Variants in FBN1 observed in about 807,000 individuals in gnomAD.
FBN1 encodes fibrillin 1.
FBN1 carries 29 observed loss-of-function variants against 365.1 expected under a neutral mutation model. The ratio of observed to expected loss-of-function variants is 0.08; its 90% CI spans 0.06 to 0.11. The LOEUF (loss-of-function observed/expected upper bound fraction) is 0.11, where lower values mean the gene tolerates loss of function less well. FBN1 is among the 10% of genes least tolerant of loss of function. The pLI is 1.00. For missense variants in FBN1, 2,476 were observed against 3,703.2 expected (o/e 0.67, Z 8.60); for synonymous variants, 1,210 against 1,270.5 (o/e 0.95, Z 1.01).
intron 20 of FBN1, among the ~76,000 whole-genome samples, chr15:48,495,854 T>C (rs369229191): frequency 6.6e-6 from 1 of 152,206 alleles, no homozygotes; most frequent in Non-Finnish European, 1.5e-5. Flanking sequence ...TCTGAATGAA[T>C]AGCTCAAATA....
intron 2 of FBN1, among the ~76,000 whole-genome samples, chr15:48,639,368 A>ATAGATGTTACC (rs1327189232): frequency 5.3e-5 from 8 of 152,170 alleles, no homozygotes; most frequent in Admixed American, 6.5e-5. Flanking sequence ...TTAGTAACAT[A>ATAGATGTTACC]TAGATGTTAC....
At chr15:48,545,554 G>C (rs910868123) in intron 6 of FBN1, among the ~76,000 whole-genome samples, 2 of 152,134 alleles carry the variant, frequency 1.3e-5, no homozygotes, top group African/African-American at 4.8e-5. Flanking sequence ...ATGGTTGCCA[G>C]GGATTTAGGG....
intron 27 of FBN1, 130 bp downstream of exon 27, chr15:48,487,983 G>T: frequency 8.1e-7 from 1 of 1,227,838 alleles, no homozygotes; most frequent in Non-Finnish European, 1.2e-6. Flanking sequence ...GTCTCCCTCT[G>T]TTGCAGACTG....
intron 44 of FBN1, among the ~76,000 whole-genome samples, chr15:48,454,265 G>T (rs1308447166): frequency 6.6e-6 from 1 of 152,170 alleles, no homozygotes; most frequent in Non-Finnish European, 1.5e-5. Context: ...GTACAGGGCT[G>T]TAAAGACACC....
At position 48,465,924 on chromosome 15, in the gene FBN1, G is replaced by C. The variant is rs111413919; in HGVS notation, c.4748-66C>G. ...AAGTTTTTAGAAATAGTATCCTCAAGAGAAATACTCACATATCCAACTGAA... is the reference window on the plus strand; with the variant it reads ...AAGTTTTTAGAAATAGTATCCTCAACAGAAATACTCACATATCCAACTGAA... On this transcript the variant is annotated intron_variant, in intron 38 of 65. Transcript: ENST00000316623. 36 of 1,063,960 alleles carry C rather than the reference G, an allele frequency of 3.4e-5. No individual in the cohort carries two copies. The African/African-American group carries it at 4.4e-4, about 13-fold the overall frequency. The allele number at this position is 1,063,960 out of a possible 1,614,324, so 65.9% of individuals were successfully genotyped here.
intron 63 of FBN1, 80 bp from the exon 64 acceptor site, chr15:48,415,847 C>T (rs2042900237): frequency 8.2e-7 from 1 of 1,226,662 alleles, no homozygotes. Flanking sequence ...CCACTTGCTG[C>T]CGGCCAGCTG....
intron 9 of FBN1, among the ~76,000 whole-genome samples, chr15:48,525,090 AT>A (rs35424714): frequency 0.2 from 28,411 of 143,662 alleles, 4,248 homozygotes; most frequent in African/African-American, 0.44. Flanking sequence ...TGTCAAATCT[AT>A]TTTTTTTTTT....
At chr15:48,425,290 C>G (rs1298434791) in intron 60 of FBN1, 79 bp downstream of exon 60, 104 of 1,597,680 alleles carry the variant, frequency 6.5e-5, no homozygotes, top group Non-Finnish European at 8.0e-5. Context: ...TTTCGGCTTG[C>G]CTGTGGAGTT....
rs1395665093 is a variant in FBN1 at position 48,445,155 on chromosome 15, T to C, written c.5917+221A>G. Among the ~76,000 whole-genome samples, 8 of 108,166 alleles carry C rather than the reference T, an allele frequency of 7.4e-5. No individual in the cohort carries two copies. The East Asian group carries it at 7.6e-4, about 10-fold the overall frequency. The allele number at this position is 108,166 out of a possible 152,430, so 71.0% of individuals were successfully genotyped here. ...ATATATACACACACACATATATATA[T>C]ACATATATATATACACACATATATA... is the stretch of plus-strand genomic sequence containing the variant. On this transcript the variant is annotated intron_variant, in intron 48 of 65. Transcript: ENST00000316623.
At chr15:48,585,859 A>AT (rs1337459636) in intron 6 of FBN1, among the ~76,000 whole-genome samples, 1 of 152,228 alleles carries the variant, frequency 6.6e-6, no homozygotes, top group Non-Finnish European at 1.5e-5. Context: ...TAATTATTTC[A>AT]TATTTTAAAA....
At chr15:48,492,653 T>A in intron 23 of FBN1, 67 bp from the exon 24 acceptor site, 1 of 1,235,888 alleles carries the variant, frequency 8.1e-7, no homozygotes. Flanking sequence ...ATTCTACTCA[T>A]AGAGTCATAA....
At chr15:48,490,276 C>A (rs1785038473) in intron 24 of FBN1, among the ~76,000 whole-genome samples, 198 bp from the exon 25 acceptor site, 1 of 152,182 alleles carries the variant, frequency 6.6e-6, no homozygotes, top group South Asian at 2.1e-4. Context: ...TCTTTGTCAG[C>A]CCATGTTTGC....
At chr15:48,569,147 C>T (rs1426687070) in intron 6 of FBN1, among the ~76,000 whole-genome samples, 2 of 151,872 alleles carry the variant, frequency 1.3e-5, no homozygotes, top group African/African-American at 2.4e-5. Flanking sequence ...AGAAGATAAC[C>T]CAATTTTAAA....
chr15:48,595,500 A>G (rs948489065), intron 6 of FBN1, among the ~76,000 whole-genome samples: 9 of 152,232 alleles, frequency 5.9e-5, no homozygotes, highest in African/African-American at 2.2e-4. Context: ...AAGTTCAGGG[A>G]AAAAAACTTA....
At chr15:48,556,399 G>GA (rs1319011491) in intron 6 of FBN1, among the ~76,000 whole-genome samples, 26 of 152,342 alleles carry the variant, frequency 1.7e-4, no homozygotes, top group African/African-American at 6.3e-4. Context: ...GCATTCATAA[G>GA]AAGAGGCTAA....
At chr15:48,561,454 C>T (rs1256242845) in intron 6 of FBN1, among the ~76,000 whole-genome samples, 1 of 152,122 alleles carries the variant, frequency 6.6e-6, no homozygotes, top group Non-Finnish European at 1.5e-5. Flanking sequence ...AAAAGTCTTC[C>T]CATAACTTCC....
chr15:48,523,714 G>GGGT (rs1555400791), intron 9 of FBN1, among the ~76,000 whole-genome samples: 1 of 116,578 alleles, frequency 8.6e-6, no homozygotes, highest in African/African-American at 3.0e-5. Flanking sequence ...GGTGGCTGGG[G>GGGT]GGGGGGGGGA....
chr15:48,437,801 C>A lies in FBN1; in HGVS notation c.6280G>T (p.Asp2094Tyr). 6.2e-7 allele frequency: 1 copy of A among 1,613,842 alleles called. No individual in the cohort carries two copies. The highest frequency in any genetic ancestry group is 8.5e-7 in the Non-Finnish European group (1 of 1,179,862). The change falls in exon 51 of 66, where the codon GAC becomes TAC. Residue 2094 changes from aspartate to tyrosine, a missense_variant. By Grantham distance (160) the Asp-to-Tyr change is radical. Transcript: ENST00000316623. Reference protein sequence around the residue: ...CCALKGEGWGDPCELCPTEPD... With the variant: ...CCALKGEGWGYPCELCPTEPD... ...TCCGTGGGGCAGAGCTCGCAGGGGTCTCCCCAGCCTTCTCCCTTCAAGGCA... is the reference window on the plus strand; with the variant it reads ...TCCGTGGGGCAGAGCTCGCAGGGGTATCCCCAGCCTTCTCCCTTCAAGGCA...
chr15:48,526,117 T>C lies in FBN1; in HGVS notation c.988+13A>G, dbSNP rs965027795. On this transcript the variant is annotated intron_variant, in intron 9 of 65. Transcript: ENST00000316623. ...TTACACAAACCATGCATGCTGTTTGTCATTAAACCTACCTATGCATCTGGT... is the reference window on the plus strand; with the variant it reads ...TTACACAAACCATGCATGCTGTTTGCCATTAAACCTACCTATGCATCTGGT... 5.0e-6 allele frequency: 8 copies of C among 1,614,148 alleles called. No homozygotes were observed. In the South Asian group the frequency reaches 5.5e-5, roughly 11 times the overall value.
Sources: allele counts gnomAD v4.1 joint callset (sites outside exome capture counted in the v4.1 genomes callset), GRCh38; gene constraint gnomAD v4.1.1; transcripts MANE v1.5; gene names NCBI Gene and HGNC (gene_info 2026-07-23, HGNC 2026-07-21).